The following PRKG1 variants were observed in gnomAD, a reference collection of about 807,000 sequenced individuals.
PRKG1 encodes the protein protein kinase cGMP-dependent 1, also known as cGMP-dependent protein kinase 1.
Under a neutral mutation model 88.1 loss-of-function variants are expected in PRKG1, and 35 were observed. That is an observed-to-expected ratio of 0.40 (90% confidence interval 0.30 to 0.53). PRKG1 has a LOEUF of 0.53. Ranked by LOEUF, PRKG1 falls within the 20% of genes least tolerant of loss-of-function variation. The pLI is 0.59. For synonymous variants in PRKG1, 303 were observed against 292.5 expected (o/e 1.04, Z -0.37); for missense variants, 540 against 839.8 (o/e 0.64, Z 4.41).
At chr10:52,201,301 T>C (rs1462901785) in intron 9 of PRKG1, among the ~76,000 whole-genome samples, 1 of 152,232 alleles carries the variant, frequency 6.6e-6, no homozygotes, top group Non-Finnish European at 1.5e-5. Flanking sequence ...CACTATTTAT[T>C]AAATATAGAG....
chr10:51,497,881 A>G (rs764362044), intron 3 of PRKG1, among the ~76,000 whole-genome samples: 5 of 152,114 alleles, frequency 3.3e-5, no homozygotes, highest in Non-Finnish European at 5.9e-5. Flanking sequence ...GAAAATCCAC[A>G]AATTCTAGGC....
At chr10:52,084,581 T>C (rs752420802) in intron 7 of PRKG1, among the ~76,000 whole-genome samples, 1 of 152,124 alleles carries the variant, frequency 6.6e-6, no homozygotes, top group Non-Finnish European at 1.5e-5. Flanking sequence ...TGTGTTTTTA[T>C]AATATACAGA....
At chr10:51,366,622 G>A (rs943012546) in intron 2 of PRKG1, among the ~76,000 whole-genome samples, 1 of 151,802 alleles carries the variant, frequency 6.6e-6, no homozygotes, top group Non-Finnish European at 1.5e-5. Flanking sequence ...AAACAAACTG[G>A]AGGTCCTTCT....
Position 51,449,648 on chromosome 10 carries a change from C to A in PRKG1, c.479-18075C>A, listed in dbSNP as rs1232896549. Among the ~76,000 whole-genome samples the A allele has an allele frequency of 4.6e-5, 4 of 86,646 alleles. No individual in the cohort carries two copies. The South Asian group carries it at 1.3e-3, about 28-fold the overall frequency. 56.8% of individuals were successfully genotyped at this position (86,646 alleles called of 152,430 possible). ...ATTTAAAACCACTCTGCACTAACAC[C>A]GGAGTTTTCTTATAATATTATTTGG... On this transcript the variant is annotated intron_variant, in intron 2 of 17. Coordinates refer to ENST00000373980, the MANE Select transcript of PRKG1 (RefSeq NM_006258.4).
intron 4 of PRKG1, among the ~76,000 whole-genome samples, chr10:51,865,918 T>C (rs111385672): frequency 1.3e-5 from 2 of 152,014 alleles, no homozygotes; most frequent in Admixed American, 6.6e-5. Flanking sequence ...CATAAATATA[T>C]AGATTAAATA....
intron 3 of PRKG1, among the ~76,000 whole-genome samples, chr10:51,583,565 C>T (rs925315426): frequency 1.3e-5 from 2 of 151,124 alleles, no homozygotes; most frequent in Non-Finnish European, 3.0e-5. Flanking sequence ...TCCCTTTTCT[C>T]TATCTACACT....
intron 4 of PRKG1, among the ~76,000 whole-genome samples, chr10:51,900,458 A>G (rs182308235): frequency 2.0e-5 from 3 of 152,266 alleles, no homozygotes; most frequent in Admixed American, 2.0e-4. Flanking sequence ...TCATTTACCA[A>G]TGTGTGATTT....
At chr10:51,382,543 T>C (rs947424399) in intron 2 of PRKG1, among the ~76,000 whole-genome samples, 14 of 152,192 alleles carry the variant, frequency 9.2e-5, no homozygotes, top group Admixed American at 7.2e-4. Context: ...CTCTGTATTG[T>C]AAGATGCATA....
chr10:52,054,517 C>T lies in PRKG1; in HGVS notation c.796C>T (p.Gln266Ter). 1 of 1,613,798 alleles carries T rather than the reference C, an allele frequency of 6.2e-7. No homozygotes were observed. The highest frequency in any genetic ancestry group is 8.5e-7 in the Non-Finnish European group (1 of 1,179,890). ...HYENGEYIIR[Q>*]GARGDTFFII... ...TGAAAATGGAGAATATATTATCAGGCAAGGTGCAAGAGGGGACACCTTCTT... is the reference window on the plus strand; with the variant it reads ...TGAAAATGGAGAATATATTATCAGGTAAGGTGCAAGAGGGGACACCTTCTT... The change falls in exon 6 of 18, where the codon CAA (glutamine) becomes TAA (stop). Residue 266 changes from glutamine (Q) to a stop codon, truncating the protein, a stop_gained. Transcript: ENST00000373980. LOFTEE classifies it high-confidence loss of function.
chr10:51,070,328 C>A (rs1248865532), upstream of PRKG1, among the ~76,000 whole-genome samples: 1 of 152,062 alleles, frequency 6.6e-6, no homozygotes. Flanking sequence ...TTTTTGTGAT[C>A]TTGATTATGA....
chr10:51,134,815 C>T (rs1470894231), intron 1 of PRKG1, among the ~76,000 whole-genome samples: 1 of 152,000 alleles, frequency 6.6e-6, no homozygotes, highest in Non-Finnish European at 1.5e-5. Context: ...TTTGGTATAC[C>T]ACCACCCTGA....
At chr10:51,619,993 T>A (rs1175051398) in intron 3 of PRKG1, among the ~76,000 whole-genome samples, 1 of 152,186 alleles carries the variant, frequency 6.6e-6, no homozygotes, top group Non-Finnish European at 1.5e-5. Flanking sequence ...CATGCCATGA[T>A]AATTTGAATT....
At chr10:51,388,484 A>C (rs1837309536) in intron 2 of PRKG1, among the ~76,000 whole-genome samples, 1 of 152,180 alleles carries the variant, frequency 6.6e-6, no homozygotes, top group Non-Finnish European at 1.5e-5. Context: ...TATAGTCTTG[A>C]GCCTCAAGTT....
chr10:51,101,033 C>A (rs141280695), intron 1 of PRKG1, among the ~76,000 whole-genome samples: 1 of 152,264 alleles, frequency 6.6e-6, no homozygotes, highest in African/African-American at 2.4e-5. Flanking sequence ...TCTCATCCCT[C>A]TCGCTAGGCA....
chr10:51,852,696 T>C (rs1178405517), intron 4 of PRKG1, among the ~76,000 whole-genome samples: 1 of 152,160 alleles, frequency 6.6e-6, no homozygotes, highest in Non-Finnish European at 1.5e-5. Context: ...AATCCACCAG[T>C]TTTCTAAATT....
chr10:52,037,180 G>A (rs1845639232), intron 5 of PRKG1, among the ~76,000 whole-genome samples: 3 of 152,204 alleles, frequency 2.0e-5, no homozygotes, highest in South Asian at 4.1e-4. Flanking sequence ...AGGAATCCCG[G>A]GCTGCAGGCA....
chr10:51,707,040 C>T (rs28455956), intron 3 of PRKG1, among the ~76,000 whole-genome samples: 10,711 of 152,034 alleles, frequency 0.07, 400 homozygotes, highest in East Asian at 0.085. Context: ...TACTAATGGT[C>T]TTGTCAGATT....
At chr10:51,137,009 C>A (rs1845702181) in intron 1 of PRKG1, among the ~76,000 whole-genome samples, 1 of 152,002 alleles carries the variant, frequency 6.6e-6, no homozygotes, top group Admixed American at 6.5e-5. Flanking sequence ...CTCAGCCTAC[C>A]CAGTAGCTGG....
intron 2 of PRKG1, among the ~76,000 whole-genome samples, chr10:51,249,582 G>T (rs1000865169): frequency 6.6e-6 from 1 of 151,752 alleles, no homozygotes; most frequent in Non-Finnish European, 1.5e-5. Flanking sequence ...CTCAGGTTTT[G>T]TAATTTTATT....
Sources: allele counts gnomAD v4.1 joint callset (sites outside exome capture counted in the v4.1 genomes callset), GRCh38; gene constraint gnomAD v4.1.1; transcripts MANE v1.5; gene names NCBI Gene and HGNC (gene_info 2026-07-23, HGNC 2026-07-21).